Variants in FIGN observed in about 807,000 individuals in gnomAD.
The protein encoded by FIGN is fidgetin, microtubule severing factor.
In FIGN, 11 loss-of-function variants were observed where a neutral mutation model predicts 51.3. That is an observed-to-expected ratio of 0.21 (90% CI 0.13 to 0.35). FIGN has a LOEUF of 0.35. FIGN is among the 10% of genes least tolerant of loss of function. FIGN has a pLI of 1.00. For missense variants in FIGN, 857 were observed against 943.6 expected, an observed-to-expected ratio of 0.91 and a Z score of 1.20; for synonymous variants, 407 against 363.2, an observed-to-expected ratio of 1.12 and a Z score of -1.37.
intron 2 of FIGN, among the ~76,000 whole-genome samples, chr2:163,688,456 T>C (rs1684188660): frequency 6.6e-6 from 1 of 152,188 alleles, no homozygotes; most frequent in Non-Finnish European, 1.5e-5. Context: ...AAATGATCCT[T>C]AATATTGGCA....
chr2:163,704,610 A>G (rs1484291668), intron 2 of FIGN, among the ~76,000 whole-genome samples: 2 of 50,370 alleles, frequency 4.0e-5, no homozygotes, highest in Non-Finnish European at 9.7e-5. Context: ...AATAACCCAC[A>G]GACTGTCTCT....
intron 2 of FIGN, among the ~76,000 whole-genome samples, chr2:163,650,387 C>CT (rs1683452908): frequency 6.6e-6 from 1 of 151,502 alleles, no homozygotes; most frequent in Non-Finnish European, 1.5e-5. Flanking sequence ...TTTTTAATTC[C>CT]TTTTTCTGAT....
At chr2:163,722,888 T>C (rs547962220) in intron 2 of FIGN, among the ~76,000 whole-genome samples, 1 of 152,132 alleles carries the variant, frequency 6.6e-6, no homozygotes, top group South Asian at 2.1e-4. Flanking sequence ...TAAAATAAGA[T>C]TAATAAAATA....
At chr2:163,681,975 T>C (rs776319950) in intron 2 of FIGN, among the ~76,000 whole-genome samples, 3 of 152,220 alleles carry the variant, frequency 2.0e-5, no homozygotes, top group Non-Finnish European at 2.9e-5. Flanking sequence ...GGATTGGACA[T>C]ATCCCAAGTG....
rs982512070 is a variant in FIGN at position 163,652,299 on chromosome 2, G to T, written c.26-40493C>A. 4.0e-5 allele frequency among the ~76,000 whole-genome samples: 6 copies of T among 150,284 alleles called. No homozygotes were observed. The Admixed American group carries it at 4.0e-4, about 10-fold the overall frequency. ...TTAGTGTCAGGCAATTCACATAAGA[G>T]AATTCCATAAGAGAGGAAGATGACA... On this transcript the variant is annotated intron_variant, in intron 2 of 2. Transcript: ENST00000333129.
chr2:163,692,275 G>A (rs1323442054), intron 2 of FIGN, among the ~76,000 whole-genome samples: 9 of 152,146 alleles, frequency 5.9e-5, no homozygotes, highest in Non-Finnish European at 8.8e-5. Context: ...GAAGCATCCA[G>A]GAGATTAACT....
rs764683645 is a variant in FIGN, at chr2:163,611,604, G to T, written c.228C>A (p.Ser76=). The change falls in exon 3 of 3, where the codon TCC becomes TCA. Residue 76 remains serine (S), a synonymous_variant. Transcript: ENST00000333129. ...NLLKKYAEKY[S]GILEGPVDRP... ...GGTCCACAGGACCTTCCAAAATGCC[G>T]GAATACTTCTCTGCATATTTTTTTA... 6.2e-7 allele frequency: 1 copy of T among 1,614,210 alleles called. No individual in the cohort carries two copies. The highest frequency in any genetic ancestry group is 1.1e-5 in the South Asian group (1 of 91,088).
chr2:163,666,516 A>G (rs182144807), intron 2 of FIGN, among the ~76,000 whole-genome samples: 28 of 152,260 alleles, frequency 1.8e-4, no homozygotes, highest in Admixed American at 1.3e-3. Context: ...GCTTATTCCA[A>G]TATTAATTTA....
Position 163,602,878 on chromosome 2 carries a change from T to C in FIGN, c.*6674A>G, listed in dbSNP as rs1691000673. ...TACAATACTGAGCACTGAATTTTTT[T>C]TTAATATATTACAGTGCCAACACCC... On this transcript the variant is annotated 3_prime_UTR_variant, in exon 3 of 3. Transcript: ENST00000333129. The C allele has an allele frequency of 6.6e-6, 1 of 152,054 alleles. No individual in the cohort carries two copies. Among genetic ancestry groups the C allele is most frequent in the Non-Finnish European group, 1.5e-5 (1 of 67,972 alleles). 9.4% of individuals were successfully genotyped at this position (152,054 alleles called of 1,614,324 possible).
intron 2 of FIGN, among the ~76,000 whole-genome samples, chr2:163,650,949 A>G (rs1045818074): frequency 4.6e-5 from 7 of 152,218 alleles, no homozygotes; most frequent in African/African-American, 1.4e-4. Context: ...GACTTTGTAT[A>G]GGAGCTAAAG....
At chr2:163,686,290 A>G (rs1228733891) in intron 2 of FIGN, among the ~76,000 whole-genome samples, 2 of 152,198 alleles carry the variant, frequency 1.3e-5, no homozygotes, top group Non-Finnish European at 2.9e-5. Flanking sequence ...TATCCTAGAC[A>G]AAGTTCTCGC....
At chr2:163,674,300 T>C (rs1305579237) in intron 2 of FIGN, among the ~76,000 whole-genome samples, 1 of 152,192 alleles carries the variant, frequency 6.6e-6, no homozygotes. Flanking sequence ...TTTTGTTGTG[T>C]TTTGTTTTAC....
chr2:163,635,972 A>C (rs1283769222), intron 2 of FIGN, among the ~76,000 whole-genome samples: 1 of 152,210 alleles, frequency 6.6e-6, no homozygotes, highest in Non-Finnish European at 1.5e-5. Context: ...CCATAAAGAT[A>C]GTTTATTTTT....
chr2:163,612,560 G>A (rs1202587359), intron 2 of FIGN: 1 of 984,560 alleles, frequency 1.0e-6, no homozygotes, highest in Non-Finnish European at 1.2e-6. Flanking sequence ...GCTCCTTTCT[G>A]CCTCTCAGTT....
chr2:163,610,629 A>G lies in FIGN; in HGVS notation c.1203T>C (p.Pro401=), dbSNP rs1691224231. The change falls in exon 3 of 3, where the codon CCT becomes CCC. Residue 401 remains proline, a synonymous_variant. Coordinates refer to ENST00000333129, the MANE Select transcript of FIGN (RefSeq NM_018086.4). ...FSSQSSRALT[P]PSYSTAKNSL... is the part of the protein sequence containing the mutation. ...AATTTTTAGCAGTACTGTAGGAAGGAGGGGTCAGAGCCCTACTGGACTGGC... is the reference window on the plus strand; with the variant it reads ...AATTTTTAGCAGTACTGTAGGAAGGGGGGGTCAGAGCCCTACTGGACTGGC... The G allele has an allele frequency of 6.2e-7, 1 of 1,614,096 alleles. No homozygotes were observed. Among genetic ancestry groups the G allele is most frequent in the Admixed American group, 1.7e-5 (1 of 60,006 alleles).
At chr2:163,719,843 A>G (rs1384779285) in intron 2 of FIGN, among the ~76,000 whole-genome samples, 4 of 152,172 alleles carry the variant, frequency 2.6e-5, no homozygotes, top group African/African-American at 9.7e-5. Context: ...CCATAAAGCA[A>G]AATGCCATTT....
At chr2:163,727,555 C>G (rs149497768) in intron 2 of FIGN, among the ~76,000 whole-genome samples, 1 of 152,094 alleles carries the variant, frequency 6.6e-6, no homozygotes, top group African/African-American at 2.4e-5. Context: ...TCATATGTAG[C>G]ATTTCTCCCG....
At chr2:163,691,901 T>C (rs1202446713) in intron 2 of FIGN, among the ~76,000 whole-genome samples, 1 of 152,304 alleles carries the variant, frequency 6.6e-6, no homozygotes, top group East Asian at 1.9e-4. Flanking sequence ...CCAAATCTTT[T>C]TAAGTTTCTT....
chr2:163,728,433 C>T (rs998602078), intron 2 of FIGN, among the ~76,000 whole-genome samples: 1 of 148,396 alleles, frequency 6.7e-6, no homozygotes. Flanking sequence ...CACACACACA[C>T]ACACAAAGTT....
Sources: gnomAD v4.1 joint callset for allele counts (sites outside exome capture counted in the v4.1 genomes callset) on GRCh38, gnomAD v4.1.1 for gene constraint, MANE v1.5 for transcripts, NCBI Gene and HGNC (gene_info 2026-07-23, HGNC 2026-07-21) for gene names.